SNRPG: variants seen among roughly 807,000 people sequenced by gnomAD.
SNRPG encodes the protein small nuclear ribonucleoprotein G.
A neutral mutation model predicts 13.9 loss-of-function variants in SNRPG; 3 were observed. The ratio of observed to expected loss-of-function variants is 0.22; its 90% CI spans 0.10 to 0.56. The LOEUF (loss-of-function observed/expected upper bound fraction) is 0.56, where lower values mean the gene tolerates loss of function less well. Ranked by LOEUF, SNRPG falls within the 20% of genes least tolerant of loss-of-function variation. The pLI is 0.93. For synonymous variants in SNRPG, 29 were observed against 29.3 expected (o/e 0.99, Z 0.03); for missense variants, 34 against 96.1 (o/e 0.35, Z 2.70).
At position 70,289,375 on chromosome 2, in the gene SNRPG, GA is replaced by G; in HGVS notation, c.33-4del. 6 of 1,429,606 alleles carry G rather than the reference GA, an allele frequency of 4.2e-6. No homozygotes were observed. The highest frequency in any genetic ancestry group is 3.9e-6 in the Non-Finnish European group (4 of 1,035,680). The allele number at this position is 1,429,606 out of a possible 1,614,324, so 88.6% of individuals were successfully genotyped here. A position where few individuals can be genotyped will look rare whatever the true frequency, so the allele number is the denominator to read the frequency against. ...ATGATAACTTCTTGTCCATAAATCT[GA>G]AAAAGGAAAAGGGTAAAGATTATAT... is the stretch of plus-strand genomic sequence containing the variant. On this transcript the variant is annotated splice_region_variant and splice_polypyrimidine_tract_variant and intron_variant, in intron 1 of 3. Transcript: ENST00000272348.
chr2:70,282,805 A>G (rs1696827621), intron 3 of SNRPG, among the ~76,000 whole-genome samples: 2 of 152,304 alleles, frequency 1.3e-5, no homozygotes, highest in African/African-American at 2.4e-5. Flanking sequence ...GAAGATAAGA[A>G]TATTTATCGG....
At chr2:70,282,487 A>G (rs887120353) in intron 3 of SNRPG, among the ~76,000 whole-genome samples, 7 of 152,246 alleles carry the variant, frequency 4.6e-5, no homozygotes, top group African/African-American at 1.7e-4. Flanking sequence ...ACAAAGTATG[A>G]GAGGATAAGG....
intron 1 of SNRPG, among the ~76,000 whole-genome samples, chr2:70,290,846 A>AAAT (rs1697070354): frequency 1.4e-5 from 2 of 144,414 alleles, no homozygotes; most frequent in African/African-American, 5.0e-5. Flanking sequence ...AAAAAAAAAA[A>AAAT]AAAAAAAAAA....
At chr2:70,287,142 G>GA in intron 3 of SNRPG, 1 of 585,982 alleles carries the variant, frequency 1.7e-6, no homozygotes. Flanking sequence ...ACAAACCTTG[G>GA]AAAGAATGGT....
chr2:70,293,360 GGGGCCAGACCGC>G, intron 1 of SNRPG: 1 of 631,490 alleles, frequency 1.6e-6, no homozygotes, highest in Non-Finnish European at 2.8e-6. Flanking sequence ...CGGGTGACCA[GGGGCCAGACCGC>G]GGGACCTGGA....
intron 3 of SNRPG, 29 bp from the exon 4 acceptor site, chr2:70,281,713 G>C (rs181444193): frequency 4.1e-6 from 5 of 1,226,332 alleles, no homozygotes; most frequent in East Asian, 2.3e-5. Context: ...AATTTGAAAA[G>C]AACAACTCAG....
At chr2:70,288,915 C>T (rs1470304095) in intron 2 of SNRPG, among the ~76,000 whole-genome samples, 4 of 151,974 alleles carry the variant, frequency 2.6e-5, no homozygotes, top group Admixed American at 6.6e-5. Flanking sequence ...AAGTAATCTG[C>T]TTAACTAACG....
intron 1 of SNRPG, among the ~76,000 whole-genome samples, chr2:70,289,798 G>C (rs571912869): frequency 6.6e-6 from 1 of 152,166 alleles, no homozygotes; most frequent in African/African-American, 2.4e-5. Context: ...GCAATAGAGC[G>C]AAACTGTCTC....
chr2:70,287,986 TG>T, intron 3 of SNRPG, 81 bp downstream of exon 3: 1 of 1,331,098 alleles, frequency 7.5e-7, no homozygotes, highest in Non-Finnish European at 1.1e-6. Flanking sequence ...TTGCCATTTC[TG>T]GGGGTTACTA....
intron 3 of SNRPG, among the ~76,000 whole-genome samples, 194 bp from the exon 4 acceptor site, chr2:70,281,878 A>G (rs1174139798): frequency 6.6e-6 from 1 of 152,194 alleles, no homozygotes; most frequent in Non-Finnish European, 1.5e-5. Context: ...ATTTAAGGCT[A>G]ACAATTTGCT....
intron 1 of SNRPG, 109 bp downstream of exon 1, chr2:70,293,509 A>G: frequency 1.0e-6 from 1 of 986,612 alleles, no homozygotes; most frequent in Admixed American, 1.7e-5. Context: ...GGACCGGAAG[A>G]AGAAATGAAG....
intron 1 of SNRPG, among the ~76,000 whole-genome samples, chr2:70,290,755 G>A (rs1034196599): frequency 7.9e-5 from 11 of 140,034 alleles, no homozygotes; most frequent in African/African-American, 2.9e-4. Flanking sequence ...GGAGGCCAAG[G>A]CGGGCGGATC....
intron 2 of SNRPG, 110 bp from the exon 3 acceptor site, chr2:70,288,302 T>A: frequency 2.4e-6 from 2 of 825,270 alleles, no homozygotes; most frequent in South Asian, 2.9e-5. Flanking sequence ...TGAAACCCAC[T>A]ATCCTTACTG....
chr2:70,283,100 A>ACAC lies in SNRPG; in HGVS notation c.181-1417_181-1416insGTG, dbSNP rs1342465007. On this transcript the variant is annotated intron_variant, in intron 3 of 3. Transcript: ENST00000272348. ...ACGAGCGAAACTGTCTTTTGTCAAAAAAAAAAAAAAAAAAAAAAAAAAAAC... is the reference window on the plus strand; with the variant it reads ...ACGAGCGAAACTGTCTTTTGTCAAAACACAAAAAAAAAAAAAAAAAAAAAAAAC... Among the ~76,000 whole-genome samples the ACAC allele has an allele frequency of 2.0e-4, 28 of 142,016 alleles. 2 individuals carry two copies. The highest frequency in any genetic ancestry group is 7.6e-4 in the African/African-American group (28 of 36,650). The allele number at this position is 142,016 out of a possible 152,430, so 93.2% of individuals were successfully genotyped here.
intron 3 of SNRPG, 39 bp downstream of exon 3, chr2:70,288,029 A>G: frequency 6.2e-7 from 1 of 1,603,590 alleles, no homozygotes; most frequent in Non-Finnish European, 8.5e-7. Context: ...TCCAAAAGAA[A>G]AATGAAATCT....
chr2:70,293,256 T>A, intron 1 of SNRPG: 1 of 701,684 alleles, frequency 1.4e-6, no homozygotes, highest in Non-Finnish European at 2.6e-6. Flanking sequence ...CTTCAGAGAA[T>A]TTCCCCCTCT....
intron 3 of SNRPG, among the ~76,000 whole-genome samples, chr2:70,282,106 G>A (rs966073345): frequency 2.0e-5 from 3 of 152,032 alleles, no homozygotes; most frequent in Admixed American, 2.0e-4. Context: ...GGTAGAGACG[G>A]GGTTTCACCA....
At chr2:70,284,103 C>T (rs150382257) in intron 3 of SNRPG, among the ~76,000 whole-genome samples, 26 of 152,294 alleles carry the variant, frequency 1.7e-4, no homozygotes, top group African/African-American at 5.8e-4. Context: ...CTGAAAATGA[C>T]AATGGGAACT....
Position 70,288,179 on chromosome 2 carries a change from A to C in SNRPG, c.69T>G (p.Gly23=), listed in dbSNP as rs1307562690. The part of the protein sequence containing the change: ...MDKKLSLKLN[G]GRHVQGILRG... ...GCAATATTCCTTGGACATGTCTGCCACCATTTAATTTCACTATTAAAAAGA... is the reference window on the plus strand; with the variant it reads ...GCAATATTCCTTGGACATGTCTGCCCCCATTTAATTTCACTATTAAAAAGA... Residue 23 remains glycine, a synonymous_variant, in exon 3 of 4, where the codon GGT becomes GGG. Coordinates refer to ENST00000272348, the MANE Select transcript of SNRPG (RefSeq NM_003096.4). 6.2e-7 allele frequency: 1 copy of C among 1,612,338 alleles called. No individual in the cohort carries two copies. The highest frequency in any genetic ancestry group is 1.3e-5 in the African/African-American group (1 of 74,914).
Sources: gnomAD v4.1 joint callset for allele counts (sites outside exome capture counted in the v4.1 genomes callset) on GRCh38, gnomAD v4.1.1 for gene constraint, MANE v1.5 for transcripts, NCBI Gene and HGNC (gene_info 2026-07-23, HGNC 2026-07-21) for gene names.